Variants in ARHGEF10 observed in about 807,000 individuals in gnomAD.
ARHGEF10 encodes Rho guanine nucleotide exchange factor (GEF) 10.
Under a neutral mutation model 147.4 loss-of-function variants are expected in ARHGEF10, and 140 were observed. That is an observed-to-expected ratio of 0.95 (90% CI 0.83 to 1.09). The LOEUF (loss-of-function observed/expected upper bound fraction) is 1.09. Ranked by LOEUF, ARHGEF10 falls within the 50% of genes least tolerant of loss-of-function variation. The probability of loss-of-function intolerance (pLI) is 0.00; values close to 1 mark genes in which losing one functional copy is unlikely to be tolerated. For missense variants in ARHGEF10, 2,222 were observed against 1,752.7 expected, an observed-to-expected ratio of 1.27 and a Z score of -4.78; for synonymous variants, 902 against 695.8, an observed-to-expected ratio of 1.30 and a Z score of -4.67.
intron 7 of ARHGEF10, among the ~76,000 whole-genome samples, chr8:1,874,526 T>A (rs967744025): frequency 2.6e-5 from 4 of 152,216 alleles, no homozygotes; most frequent in African/African-American, 9.7e-5. Context: ...AAGTTGGAAG[T>A]CCAGAGATGG....
At chr8:1,865,273 C>G (rs1272397803) in intron 5 of ARHGEF10, among the ~76,000 whole-genome samples, 1 of 152,122 alleles carries the variant, frequency 6.6e-6, no homozygotes, top group Non-Finnish European at 1.5e-5. Flanking sequence ...CCCCAGCACC[C>G]ATGAGGCCAT....
chr8:1,835,814 C>T (rs552820928), intron 1 of ARHGEF10, among the ~76,000 whole-genome samples: 3 of 152,308 alleles, frequency 2.0e-5, no homozygotes, highest in African/African-American at 4.8e-5. Flanking sequence ...CTGACGCACA[C>T]GGCATGAAAC....
intron 20 of ARHGEF10, 78 bp from the exon 21 acceptor site, chr8:1,923,696 A>G: frequency 6.2e-7 from 1 of 1,613,276 alleles, no homozygotes; most frequent in Non-Finnish European, 8.5e-7. Flanking sequence ...ATTCTATCAG[A>G]CAGGCAAAAT....
Position 1,923,875 on chromosome 8 carries a change from G to A in ARHGEF10, c.2488+1G>A, listed in dbSNP as rs1252066559. The A allele has an allele frequency of 1.2e-6, 2 of 1,613,994 alleles. No individual in the cohort carries two copies. The highest frequency in any genetic ancestry group is 1.7e-6 in the Non-Finnish European group (2 of 1,179,874). On this transcript the variant is annotated splice_donor_variant, in intron 21 of 28. Transcript: ENST00000349830. LOFTEE classifies it high-confidence loss of function. Reference sequence around the variant, plus strand: ...TTACAGATGGCCAAGCTCGCCCTAGGTAAGGCCTGGCTGGCTGAGGCTGAA... The same window carrying A: ...TTACAGATGGCCAAGCTCGCCCTAGATAAGGCCTGGCTGGCTGAGGCTGAA...
In ARHGEF10 at chr8:1,933,956, G is replaced by A. The variant is rs750165991; in HGVS notation, c.3222+14G>A. On this transcript the variant is annotated intron_variant, in intron 26 of 28. Coordinates refer to ENST00000349830, the MANE Select transcript of ARHGEF10 (RefSeq NM_014629.4). ...CATGCTGTAGAGGTAAGTCACTTAG[G>A]TGGCTACACGGTGTGGAAAAAATGC... is the stretch of plus-strand genomic sequence containing the variant. 2 of 1,614,048 alleles carry A rather than the reference G, an allele frequency of 1.2e-6. No individual in the cohort carries two copies. The highest frequency in any genetic ancestry group is 1.6e-4 in the Middle Eastern group (1 of 6,084).
At chr8:1,951,650 G>C (rs977342863) in intron 27 of ARHGEF10, among the ~76,000 whole-genome samples, 2 of 152,212 alleles carry the variant, frequency 1.3e-5, no homozygotes, top group African/African-American at 4.8e-5. Flanking sequence ...CTACAGAAAA[G>C]AATCAAACTG....
intron 15 of ARHGEF10, among the ~76,000 whole-genome samples, chr8:1,901,160 C>T (rs921007837): frequency 8.6e-5 from 13 of 151,828 alleles, no homozygotes; most frequent in Non-Finnish European, 1.8e-4. Flanking sequence ...TCAGGGCACC[C>T]GGGATGGGGC....
intron 7 of ARHGEF10, chr8:1,870,640 A>T (rs184480846): frequency 3.4e-4 from 52 of 152,372 alleles, no homozygotes; most frequent in Non-Finnish European, 5.0e-4. Context: ...TTAAGCCATA[A>T]GCAAGGAATA....
intron 1 of ARHGEF10, among the ~76,000 whole-genome samples, chr8:1,832,718 G>GCAGAGGCAGAGA (rs1803243664): frequency 1.2e-5 from 1 of 81,634 alleles, no homozygotes; most frequent in African/African-American, 4.8e-5. Context: ...AGAGACAGAG[G>GCAGAGGCAGAGA]CAGAGAGAGA....
intron 26 of ARHGEF10, among the ~76,000 whole-genome samples, chr8:1,944,558 C>T (rs890710693): frequency 6.6e-6 from 1 of 152,214 alleles, no homozygotes; most frequent in Non-Finnish European, 1.5e-5. Context: ...GGGCTGTCGT[C>T]TTTTCCCTTA....
At chr8:1,885,067 G>A (rs751211797) in intron 10 of ARHGEF10, among the ~76,000 whole-genome samples, 1 of 152,160 alleles carries the variant, frequency 6.6e-6, no homozygotes. Flanking sequence ...ACCCAACTGT[G>A]AATTTAGTTT....
intron 2 of ARHGEF10, among the ~76,000 whole-genome samples, chr8:1,843,926 A>T (rs942741749): frequency 6.6e-6 from 1 of 152,138 alleles, no homozygotes; most frequent in Non-Finnish European, 1.5e-5. Flanking sequence ...CTGATGAAAG[A>T]TTTATCTTCA....
At chr8:1,846,797 G>A (rs775224095) in intron 2 of ARHGEF10, among the ~76,000 whole-genome samples, 47 of 152,112 alleles carry the variant, frequency 3.1e-4, no homozygotes, top group Non-Finnish European at 5.4e-4. Context: ...GGCTGGTCTC[G>A]AACTCCTGAC....
At chr8:1,876,040 G>A (rs1807670340) in intron 7 of ARHGEF10, 1 of 167,078 alleles carries the variant, frequency 6.0e-6, no homozygotes, top group South Asian at 1.6e-4. Context: ...TCTTGTTAGT[G>A]TCACAGCATT....
rs200470716 is a variant in ARHGEF10 at position 1,857,947 on chromosome 8, TTTTTC to T, written c.38-8_38-4del. The T allele has an allele frequency of 5.0e-3, 8,022 of 1,610,914 alleles. 64 individuals carry two copies. The highest frequency in any genetic ancestry group is 0.017 in the South Asian group (1,501 of 90,954). ...CTATCTCTCCTTGATGTGGTTTTGG[TTTTTC>T]TTTTTAGAAAATGAAATGAAATATG... On this transcript the variant is annotated splice_polypyrimidine_tract_variant and splice_region_variant and intron_variant, in intron 2 of 28. Transcript: ENST00000349830.
intron 11 of ARHGEF10, among the ~76,000 whole-genome samples, chr8:1,890,013 G>A (rs1177211584): frequency 6.8e-6 from 1 of 146,796 alleles, no homozygotes; most frequent in Admixed American, 6.7e-5. Context: ...AGGAGACACT[G>A]AGTGCGGTGA....
intron 26 of ARHGEF10, among the ~76,000 whole-genome samples, chr8:1,936,115 G>GT (rs113424881): frequency 0.23 from 35,450 of 152,104 alleles, 4,532 homozygotes; most frequent in African/African-American, 0.35. Context: ...GCGCTGTCTT[G>GT]TTTTTTACTG....
At chr8:1,906,995 C>A (rs551835973) in intron 17 of ARHGEF10, among the ~76,000 whole-genome samples, 1 of 152,198 alleles carries the variant, frequency 6.6e-6, no homozygotes, top group Admixed American at 6.5e-5. Context: ...TCACTGTGGA[C>A]GCCTGGCGAC....
chr8:1,947,317 C>G (rs1157250583), intron 27 of ARHGEF10, among the ~76,000 whole-genome samples: 1 of 152,174 alleles, frequency 6.6e-6, no homozygotes, highest in African/African-American at 2.4e-5. Flanking sequence ...CCCTGCAGCG[C>G]AGACCTCCCT....
Sources: allele counts gnomAD v4.1 joint callset (sites outside exome capture counted in the v4.1 genomes callset), GRCh38; gene constraint gnomAD v4.1.1; transcripts MANE v1.5; gene names NCBI Gene and HGNC (gene_info 2026-07-23, HGNC 2026-07-21).